Variants in MGAT4C observed in about 807,000 individuals in gnomAD.
MGAT4C encodes alpha-1,3-mannosyl-glycoprotein 4-beta-N-acetylglucosaminyltransferase C.
A neutral mutation model predicts 40.1 loss-of-function variants in MGAT4C; 19 were observed. That is an observed-to-expected ratio of 0.47 (90% CI 0.33 to 0.70). The LOEUF is 0.70. Ranked by LOEUF, MGAT4C falls within the 30% of genes least tolerant of loss-of-function variation. The pLI is 0.02. For missense variants in MGAT4C, 491 were observed against 563.2 expected (o/e 0.87, Z 1.30); for synonymous variants, 181 against 187.1 (o/e 0.97, Z 0.27).
chr12:86,396,802 T>C (rs1956270992), intron 3 of MGAT4C, among the ~76,000 whole-genome samples: 1 of 152,206 alleles, frequency 6.6e-6, no homozygotes, highest in Admixed American at 6.5e-5. Context: ...TCTGTAGCTA[T>C]TATGGTAGCC....
rs919849697 is a variant in MGAT4C at position 85,968,565 on chromosome 12, A to T, written c.*10724T>A. On this transcript the variant is annotated 3_prime_UTR_variant, in exon 5 of 5. Coordinates refer to ENST00000611864, the MANE Select transcript of MGAT4C (RefSeq NM_001351288.2). ...ATACCTAAAAAGGGCAGGAAACAAC[A>T]CAGAATAATCTACGCTTGTCATCAT... is the stretch of plus-strand genomic sequence containing the variant. The T allele has an allele frequency of 3.9e-5, 6 of 151,952 alleles. No individual in the cohort carries two copies. Among genetic ancestry groups the T allele is most frequent in the Non-Finnish European group, 5.9e-5 (4 of 67,892 alleles). The allele number at this position is 151,952 out of a possible 1,614,324, so 9.4% of individuals were successfully genotyped here.
rs192993892 is a variant in MGAT4C, at chr12:86,057,245, A to G, written c.-56-7522T>C. ...CAGGCTGGAGCACAGTGGCACAATC[A>G]TGGCTCACTGCATCCTCAAATTCCT... is the stretch of plus-strand genomic sequence containing the variant. On this transcript the variant is annotated intron_variant, in intron 1 of 4. Transcript: ENST00000611864. Among the ~76,000 whole-genome samples the G allele has an allele frequency of 4.8e-3, 735 of 152,138 alleles. 1 individual carries two copies. The highest frequency in any genetic ancestry group is 0.02 in the Middle Eastern group (6 of 294).
chr12:86,618,061 A>G (rs1037772079), intron 2 of MGAT4C, among the ~76,000 whole-genome samples: 3 of 152,222 alleles, frequency 2.0e-5, no homozygotes, highest in Admixed American at 2.0e-4. Context: ...ACAAGTGGTC[A>G]ACAGGTATAT....
At chr12:86,602,416 T>C (rs1961818391) in intron 2 of MGAT4C, among the ~76,000 whole-genome samples, 1 of 152,212 alleles carries the variant, frequency 6.6e-6, no homozygotes, top group Admixed American at 6.5e-5. Context: ...GGCTGCACAT[T>C]TTGAGGTGTG....
At chr12:86,799,806 T>C (rs1410946839) in intron 1 of MGAT4C, among the ~76,000 whole-genome samples, 1 of 151,884 alleles carries the variant, frequency 6.6e-6, no homozygotes, top group East Asian at 1.9e-4. Flanking sequence ...ACCATATCTG[T>C]ACCTAATGGA....
intron 4 of MGAT4C, among the ~76,000 whole-genome samples, chr12:86,296,289 A>T (rs548464886): frequency 6.6e-6 from 1 of 152,100 alleles, no homozygotes; most frequent in South Asian, 2.1e-4. Flanking sequence ...CCTGAGCTAG[A>T]CATAAAAACT....
At chr12:86,377,766 A>G (rs999822296) in intron 3 of MGAT4C, among the ~76,000 whole-genome samples, 1 of 152,164 alleles carries the variant, frequency 6.6e-6, no homozygotes, top group African/African-American at 2.4e-5. Context: ...CTACACTCAC[A>G]TTGTTGTGCA....
chr12:86,833,008 A>G (rs967312355), intron 1 of MGAT4C, among the ~76,000 whole-genome samples: 3 of 152,072 alleles, frequency 2.0e-5, no homozygotes, highest in Non-Finnish European at 4.4e-5. Flanking sequence ...TGAGGTAGAC[A>G]TTTACATCAA....
chr12:86,496,487 CAG>C (rs1267262380), intron 2 of MGAT4C, among the ~76,000 whole-genome samples: 1 of 123,270 alleles, frequency 8.1e-6, no homozygotes, highest in African/African-American at 2.6e-5. Context: ...GTACATTATA[CAG>C]AGTCATGAAT....
intron 3 of MGAT4C, among the ~76,000 whole-genome samples, chr12:86,345,523 G>A (rs1271245481): frequency 1.3e-5 from 2 of 151,786 alleles, no homozygotes; most frequent in African/African-American, 4.8e-5. Context: ...AGAACATGCA[G>A]TGTTTGGTTT....
At chr12:86,343,931 T>G (rs1299838785) in intron 3 of MGAT4C, among the ~76,000 whole-genome samples, 1 of 152,166 alleles carries the variant, frequency 6.6e-6, no homozygotes, top group African/African-American at 2.4e-5. Flanking sequence ...GTTTGGCCAT[T>G]CTTTCACACC....
intron 4 of MGAT4C, among the ~76,000 whole-genome samples, chr12:86,288,647 T>C (rs972704893): frequency 1.3e-5 from 2 of 151,886 alleles, no homozygotes; most frequent in Non-Finnish European, 2.9e-5. Context: ...GTCAAACATT[T>C]CCATTTCTTT....
At chr12:86,072,656 T>C (rs1038496827) in intron 1 of MGAT4C, among the ~76,000 whole-genome samples, 2 of 152,066 alleles carry the variant, frequency 1.3e-5, no homozygotes, top group African/African-American at 2.4e-5. Context: ...AGTAAGCAGG[T>C]AGATGGAGAG....
chr12:86,050,881 G>C (rs898519053), intron 1 of MGAT4C, among the ~76,000 whole-genome samples: 2 of 151,998 alleles, frequency 1.3e-5, no homozygotes, highest in Non-Finnish European at 2.9e-5. Flanking sequence ...TTCACAGCCA[G>C]TTAGTCATAT....
chr12:86,615,750 A>G (rs1463101717), intron 2 of MGAT4C, among the ~76,000 whole-genome samples: 1 of 152,064 alleles, frequency 6.6e-6, no homozygotes, highest in Non-Finnish European at 1.5e-5. Flanking sequence ...ACCCTGTGAA[A>G]TCCTGGAGAG....
chr12:86,281,682 G>T (rs2406128), intron 4 of MGAT4C, among the ~76,000 whole-genome samples: 113,432 of 151,806 alleles, frequency 0.75, 43,556 homozygotes, highest in Non-Finnish European at 0.83. Flanking sequence ...TATGCCGGAT[G>T]TTTTTTGTAT....
chr12:86,110,950 A>G (rs2135641671), intron 1 of MGAT4C, among the ~76,000 whole-genome samples: 1 of 151,916 alleles, frequency 6.6e-6, no homozygotes, highest in African/African-American at 2.4e-5. Context: ...ATTCTCTTAA[A>G]AATTTAAAGA....
At chr12:86,698,574 C>T (rs961370566) in intron 2 of MGAT4C, among the ~76,000 whole-genome samples, 1 of 151,986 alleles carries the variant, frequency 6.6e-6, no homozygotes, top group Non-Finnish European at 1.5e-5. Flanking sequence ...TTATATTAAA[C>T]TTTACTGGGA....
At chr12:86,145,334 C>A (rs1215086406) in intron 1 of MGAT4C, among the ~76,000 whole-genome samples, 2 of 152,066 alleles carry the variant, frequency 1.3e-5, no homozygotes, top group Admixed American at 1.3e-4. Flanking sequence ...GCAATCAGTA[C>A]TTAATTTGTT....
Sources: allele counts gnomAD v4.1 joint callset (sites outside exome capture counted in the v4.1 genomes callset), GRCh38; gene constraint gnomAD v4.1.1; transcripts MANE v1.5; gene names NCBI Gene and HGNC (gene_info 2026-07-23, HGNC 2026-07-21).